Variants in NCAM2 observed in about 807,000 individuals in gnomAD.
NCAM2 encodes the protein N-CAM-2.
NCAM2 carries 30 observed loss-of-function variants against 98.1 expected under a neutral mutation model. That is an observed-to-expected ratio of 0.31 (90% CI 0.23 to 0.41). The LOEUF is 0.41. Ranked by LOEUF, NCAM2 falls within the 10% of genes least tolerant of loss-of-function variation. The pLI is 1.00. For synonymous variants in NCAM2, 368 were observed against 342.4 expected, an observed-to-expected ratio of 1.07 and a Z score of -0.83; for missense variants, 867 against 1,005.8, an observed-to-expected ratio of 0.86 and a Z score of 1.87.
intron 15 of NCAM2, among the ~76,000 whole-genome samples, chr21:21,495,368 A>T (rs1430259981): frequency 6.6e-6 from 1 of 151,966 alleles, no homozygotes; most frequent in African/African-American, 2.4e-5. Context: ...TCATTCTTAT[A>T]TGGTGTGTGG....
At chr21:21,306,701 C>T (rs1305416302) in intron 5 of NCAM2, among the ~76,000 whole-genome samples, 1 of 152,054 alleles carries the variant, frequency 6.6e-6, no homozygotes, top group Non-Finnish European at 1.5e-5. Context: ...TACAAACAAT[C>T]CAGTTACACT....
At chr21:21,348,578 A>G (rs887892009) in intron 8 of NCAM2, among the ~76,000 whole-genome samples, 6 of 150,664 alleles carry the variant, frequency 4.0e-5, no homozygotes, top group African/African-American at 1.5e-4. Context: ...GACATTTTTC[A>G]CAGAAATAGA....
At chr21:21,370,140 G>A (rs534075142) in intron 8 of NCAM2, among the ~76,000 whole-genome samples, 3 of 151,596 alleles carry the variant, frequency 2.0e-5, no homozygotes, top group Non-Finnish European at 2.9e-5. Flanking sequence ...TTGTCCTTCC[G>A]TTTTGGCATA....
At position 21,432,240 on chromosome 21, in the gene NCAM2, C is replaced by A; in HGVS notation, c.1613C>A (p.Ala538Glu). Residue 538 changes from alanine (A) to glutamate (E), a missense_variant, in exon 12 of 18, where the codon GCG (alanine) becomes GAG (glutamate). Transcript: ENST00000400546. ...HHYQVDVKEV[A>E]SEIWKIVRSH... ...TATCAGGTGGATGTCAAAGAAGTAG[C>A]GTCAGAAATCTGGAAAATTGTACGC... 6.2e-7 allele frequency: 1 copy of A among 1,613,958 alleles called. No homozygotes were observed. The highest frequency in any genetic ancestry group is 8.5e-7 in the Non-Finnish European group (1 of 1,179,922).
intron 9 of NCAM2, among the ~76,000 whole-genome samples, chr21:21,404,168 T>A (rs2076689714): frequency 6.6e-6 from 1 of 152,178 alleles, no homozygotes; most frequent in Admixed American, 6.5e-5. Context: ...ATAAAATAGA[T>A]AACTCAATAT....
intron 12 of NCAM2, among the ~76,000 whole-genome samples, chr21:21,443,951 A>T (rs1466580229): frequency 6.6e-6 from 1 of 152,174 alleles, no homozygotes; most frequent in Admixed American, 6.6e-5. Flanking sequence ...GTTTTTGCCC[A>T]TTCAATGTGA....
Position 21,530,165 on chromosome 21 carries a change from T to G in NCAM2, c.2283-4372T>G, listed in dbSNP as rs1031518079. 3.8e-4 allele frequency among the ~76,000 whole-genome samples: 53 copies of G among 140,450 alleles called. 1 individual carries two copies. Among genetic ancestry groups the G allele is most frequent in the African/African-American group, 1.4e-3 (53 of 38,548 alleles). The allele number at this position is 140,450 out of a possible 152,430, so 92.1% of individuals were successfully genotyped here. On this transcript the variant is annotated intron_variant, in intron 16 of 17. Transcript: ENST00000400546. ...TTAATTTAATTATATATGATTTAAT[T>G]TAATTTAATTATATATGATTTAATT...
At position 21,538,357 on chromosome 21, in the gene NCAM2, A is replaced by G. The variant is rs1374333568; in HGVS notation, c.*400A>G. 6.5e-6 allele frequency: 1 copy of G among 153,096 alleles called. No individual in the cohort carries two copies. The highest frequency in any genetic ancestry group is 1.5e-5 in the Non-Finnish European group (1 of 68,364). The allele number at this position is 153,096 out of a possible 1,614,324, so 9.5% of individuals were successfully genotyped here. ...ATGTGTAAGAAGGCCCTGCATGTGTATGAGTCCTATTCTGGGCAAATAGAT... is the reference window on the plus strand; with the variant it reads ...ATGTGTAAGAAGGCCCTGCATGTGTGTGAGTCCTATTCTGGGCAAATAGAT... On this transcript the variant is annotated 3_prime_UTR_variant, in exon 18 of 18. Coordinates refer to ENST00000400546, the MANE Select transcript of NCAM2 (RefSeq NM_004540.5).
chr21:21,053,660 TTTTTTCA>T (rs1185070136), intron 1 of NCAM2, among the ~76,000 whole-genome samples: 28 of 151,310 alleles, frequency 1.9e-4, no homozygotes, highest in Non-Finnish European at 4.1e-4. Flanking sequence ...TTCCCTCTCA[TTTTTTCA>T]TTTTTTTTGT....
chr21:21,320,769 G>GA (rs1168923694), intron 5 of NCAM2, among the ~76,000 whole-genome samples: 1 of 152,062 alleles, frequency 6.6e-6, no homozygotes, highest in Non-Finnish European at 1.5e-5. Flanking sequence ...TTAAGTATTT[G>GA]AAAAATTGTC....
chr21:21,198,173 A>G (rs1343265395), intron 1 of NCAM2, among the ~76,000 whole-genome samples: 2 of 145,112 alleles, frequency 1.4e-5, no homozygotes, highest in Non-Finnish European at 3.0e-5. Flanking sequence ...TTTTTTAAAT[A>G]TGTAAAGTAT....
At position 21,263,802 on chromosome 21, in the gene NCAM2, G is replaced by A. The variant is rs975228270; in HGVS notation, c.56-16776G>A. On this transcript the variant is annotated intron_variant, in intron 1 of 17. Transcript: ENST00000400546. ...ATGATGCTGAGTAAACAGGCTAAAC[G>A]TATGCAGAAGAATTAAACTGGACCC... 8.3e-4 allele frequency among the ~76,000 whole-genome samples: 126 copies of A among 152,158 alleles called. 1 individual carries two copies. Among genetic ancestry groups the A allele is most frequent in the African/African-American group, 2.7e-3 (113 of 41,528 alleles).
intron 8 of NCAM2, among the ~76,000 whole-genome samples, chr21:21,348,111 A>G (rs945755870): frequency 1.3e-5 from 2 of 152,086 alleles, no homozygotes; most frequent in Non-Finnish European, 2.9e-5. Flanking sequence ...AGTACCAACT[A>G]GAACAATTAG....
At chr21:21,122,530 T>C (rs1434141317) in intron 1 of NCAM2, among the ~76,000 whole-genome samples, 1 of 152,174 alleles carries the variant, frequency 6.6e-6, no homozygotes, top group Non-Finnish European at 1.5e-5. Context: ...TTCTCACAAT[T>C]CTTTGGGTTG....
intron 9 of NCAM2, among the ~76,000 whole-genome samples, chr21:21,390,834 A>G (rs1453709653): frequency 6.6e-6 from 1 of 152,198 alleles, no homozygotes; most frequent in Non-Finnish European, 1.5e-5. Context: ...TTTATGCTAA[A>G]TGTATGGTCA....
chr21:21,322,267 TAAA>T (rs2147785523), intron 5 of NCAM2, among the ~76,000 whole-genome samples: 1 of 152,068 alleles, frequency 6.6e-6, no homozygotes, highest in Admixed American at 6.6e-5. Flanking sequence ...CCCATGGACA[TAAA>T]GATGGCAGCA....
chr21:21,373,779 G>T, intron 8 of NCAM2, 84 bp from the exon 9 acceptor site: 1 of 1,150,166 alleles, frequency 8.7e-7, no homozygotes, highest in Admixed American at 2.8e-5. Context: ...AGAAACATGG[G>T]AAGTAACATA....
At chr21:21,145,213 T>C (rs1292174541) in intron 1 of NCAM2, among the ~76,000 whole-genome samples, 1 of 152,166 alleles carries the variant, frequency 6.6e-6, no homozygotes, top group African/African-American at 2.4e-5. Context: ...TTGAAGCCCA[T>C]GCTAATATGA....
At chr21:21,249,299 T>C (rs2071394622) in intron 1 of NCAM2, among the ~76,000 whole-genome samples, 1 of 152,194 alleles carries the variant, frequency 6.6e-6, no homozygotes, top group South Asian at 2.1e-4. Flanking sequence ...AATACAATTA[T>C]TGATGCACTT....
Sources: gnomAD v4.1 joint callset for allele counts (sites outside exome capture counted in the v4.1 genomes callset) on GRCh38, gnomAD v4.1.1 for gene constraint, MANE v1.5 for transcripts, NCBI Gene and HGNC (gene_info 2026-07-23, HGNC 2026-07-21) for gene names.